FTCD: variants seen among roughly 807,000 people sequenced by gnomAD.
The protein encoded by FTCD is formimidoyltransferase cyclodeaminase.
In FTCD, 76 loss-of-function variants were observed where a neutral mutation model predicts 62.9. The ratio of observed to expected loss-of-function variants is 1.21; its 90% CI spans 1.00 to 1.46. The LOEUF (loss-of-function observed/expected upper bound fraction) is 1.46, where lower values mean the gene tolerates loss of function less well. FTCD is among the 40% of genes most tolerant of loss of function. FTCD has a pLI of 0.00. For synonymous variants in FTCD, 397 were observed against 336.9 expected (o/e 1.18, Z -1.95); for missense variants, 845 against 751.3 (o/e 1.12, Z -1.46).
At chr21:46,141,163 G>A (rs903970616) in intron 10 of FTCD, among the ~76,000 whole-genome samples, 1 of 152,004 alleles carries the variant, frequency 6.6e-6, no homozygotes, top group Non-Finnish European at 1.5e-5. Context: ...TTAGAGACAG[G>A]GTGTCGTTCT....
intron 10 of FTCD, among the ~76,000 whole-genome samples, chr21:46,140,608 A>T (rs1418018450): frequency 1.4e-5 from 1 of 72,444 alleles, no homozygotes; most frequent in Non-Finnish European, 2.8e-5. Context: ...CCAATCCAGC[A>T]CTCCCCCGTC....
At chr21:46,139,392 G>C (rs1361470008) in intron 10 of FTCD, among the ~76,000 whole-genome samples, 1 of 152,174 alleles carries the variant, frequency 6.6e-6, no homozygotes, top group Non-Finnish European at 1.5e-5. Context: ...GCCTTTCCTA[G>C]GTGCTCATGT....
In FTCD at chr21:46,145,501, C is replaced by A. The variant is rs2079119228; in HGVS notation, c.1176G>T (p.Arg392=). 3 of 1,553,254 alleles carry A rather than the reference C, an allele frequency of 1.9e-6. No homozygotes were observed. The highest frequency in any genetic ancestry group is 2.6e-6 in the Non-Finnish European group (3 of 1,148,958). ...RQFQSLDTTM[R]RLIPPFREAS... Reference sequence around the variant, plus strand: ...CCTCGCGGAAGGGCGGGATCAGGCGCCGCATCGTCGTGTCCAGGGACTGGA... The same window carrying A: ...CCTCGCGGAAGGGCGGGATCAGGCGACGCATCGTCGTGTCCAGGGACTGGA... Residue 392 remains arginine, a synonymous_variant, in exon 10 of 14, where the codon CGG becomes CGT. Transcript: ENST00000397746.
rs931012168 is a variant in FTCD at position 46,153,109 on chromosome 21, C to A, written c.239-74G>T. 2.1e-6 allele frequency: 3 copies of A among 1,450,102 alleles called. No individual in the cohort carries two copies. In the Admixed American group the frequency reaches 6.2e-5, roughly 30 times the overall value. 89.8% of individuals were successfully genotyped at this position (1,450,102 alleles called of 1,614,324 possible). On this transcript the variant is annotated intron_variant, in intron 2 of 13. Transcript: ENST00000397746. ...TGGGAGCTCCACGGGGTTCTCGGAC[C>A]CTCTGTCCTCTCCGGCCTGGGCAGC...
At position 46,145,522 on chromosome 21, in the gene FTCD, CT is replaced by C; in HGVS notation, c.1154del (p.Gln385ArgfsTer10). 4 of 1,548,626 alleles carry C rather than the reference CT, an allele frequency of 2.6e-6. No individual in the cohort carries two copies. Among genetic ancestry groups the C allele is most frequent in the Non-Finnish European group, 3.5e-6 (4 of 1,146,318 alleles). On this transcript the variant is annotated frameshift_variant, in exon 10 of 14. Coordinates refer to ENST00000397746, the MANE Select transcript of FTCD (RefSeq NM_206965.2). LOFTEE classifies it high-confidence loss of function. ...GGCGCCGCATCGTCGTGTCCAGGGA[CT>C]GGAATTGGCGCCGCCCGTAGGTCAT... ...GLMTYGRRQF[Q>X]SLDTTMRRLI... is the part of the protein sequence containing the mutation.
In FTCD at chr21:46,140,046, T is replaced by C. The variant is rs577718434; in HGVS notation, c.1261-1123A>G. Among the ~76,000 whole-genome samples the C allele has an allele frequency of 2.0e-5, 3 of 152,374 alleles. 1 individual carries two copies. The highest frequency in any genetic ancestry group is 7.2e-5 in the African/African-American group (3 of 41,574). On this transcript the variant is annotated intron_variant, in intron 10 of 13. Transcript: ENST00000397746. ...TGTTGGTGGTGGGGAAATACAGTTTTCTATTCCATCTGGAAATTACTTATG... is the reference window on the plus strand; with the variant it reads ...TGTTGGTGGTGGGGAAATACAGTTTCCTATTCCATCTGGAAATTACTTATG...
At chr21:46,149,772 C>T (rs979019806) in intron 7 of FTCD, among the ~76,000 whole-genome samples, 69 of 152,330 alleles carry the variant, frequency 4.5e-4, no homozygotes, top group African/African-American at 1.6e-3. Flanking sequence ...AAGGCACACA[C>T]ATCCATGAGC....
At chr21:46,137,163 C>T in intron 13 of FTCD, 76 bp downstream of exon 13, 1 of 1,586,336 alleles carries the variant, frequency 6.3e-7, no homozygotes, top group Admixed American at 1.7e-5. Flanking sequence ...TGCCCACAGC[C>T]AGTCGGCAAT....
rs1032347390 is a variant in FTCD at position 46,138,883 on chromosome 21, T to C, written c.1301A>G (p.Asp434Gly). The change falls in exon 11 of 14, where the codon GAC (aspartate) becomes GGC (glycine). Residue 434 changes from aspartate to glycine, a missense_variant. By Grantham distance (94) the Asp-to-Gly change is moderately conservative. Transcript: ENST00000397746. ...GCGGCCGGCCCTCCAGGCTCACCTG[T>C]CCTTTTCCTCAGGTGTGTTCTTGGG... ...RLPKNTPEEK[D>G]RRTAALQEGL... 6.2e-7 allele frequency: 1 copy of C among 1,611,976 alleles called. No individual in the cohort carries two copies. The highest frequency in any genetic ancestry group is 8.5e-7 in the Non-Finnish European group (1 of 1,178,336).
At chr21:46,137,370 G>A (rs2078894334) in intron 12 of FTCD, 36 bp from the exon 13 acceptor site, 1 of 1,508,224 alleles carries the variant, frequency 6.6e-7, no homozygotes, top group South Asian at 1.1e-5. Context: ...CATGGATCAA[G>A]GCTGAGCAAA....
intron 10 of FTCD, among the ~76,000 whole-genome samples, chr21:46,143,459 A>T (rs577698222): frequency 3.5e-4 from 54 of 152,236 alleles, no homozygotes; most frequent in Non-Finnish European, 6.8e-4. Flanking sequence ...TAAAATATAT[A>T]AAATAACAAG....
At chr21:46,152,551 G>A (rs776451728) in intron 3 of FTCD, 1 of 229,716 alleles carries the variant, frequency 4.4e-6, no homozygotes, top group Non-Finnish European at 8.6e-6. Context: ...GTGCAGCCTA[G>A]GGGTGGGTAT....
intron 12 of FTCD, among the ~76,000 whole-genome samples, chr21:46,138,264 T>C (rs1042434620): frequency 3.9e-5 from 6 of 152,100 alleles, no homozygotes; most frequent in Non-Finnish European, 5.9e-5. Context: ...ACTTATACAG[T>C]GGTCAGGGTG....
intron 2 of FTCD, among the ~76,000 whole-genome samples, 181 bp from the exon 3 acceptor site, chr21:46,153,216 G>T (rs770320181): frequency 6.6e-6 from 1 of 152,194 alleles, no homozygotes; most frequent in Admixed American, 6.5e-5. Flanking sequence ...CCCTGCCCCA[G>T]CGGCAGCACC....
chr21:46,137,533 G>A (rs1454666896), intron 12 of FTCD, among the ~76,000 whole-genome samples, 199 bp from the exon 13 acceptor site: 2 of 152,198 alleles, frequency 1.3e-5, no homozygotes, highest in Non-Finnish European at 2.9e-5. Context: ...TCTTATCCAA[G>A]CAGGGCTCAG....
chr21:46,152,236 T>C (rs962830237), intron 3 of FTCD: 8 of 479,526 alleles, frequency 1.7e-5, no homozygotes, highest in Non-Finnish European at 2.9e-5. Context: ...GGATGGAACA[T>C]GTGGGACATG....
At chr21:46,143,881 C>T (rs1425884070) in intron 10 of FTCD, among the ~76,000 whole-genome samples, 1 of 152,170 alleles carries the variant, frequency 6.6e-6, no homozygotes, top group African/African-American at 2.4e-5. Flanking sequence ...GCAGTTATCC[C>T]GAGGCCTAAT....
At chr21:46,136,322 G>T, downstream of FTCD, 3 of 888,416 alleles carry the variant, frequency 3.4e-6, no homozygotes, top group Non-Finnish European at 5.3e-6. Flanking sequence ...TGGCTGGGCA[G>T]GGAGCTGAGG....
Position 46,138,518 on chromosome 21 carries a change from G to C in FTCD, c.1433C>G (p.Ser478Ter). 6.3e-7 allele frequency: 1 copy of C among 1,585,926 alleles called. No homozygotes were observed. The highest frequency in any genetic ancestry group is 8.5e-7 in the Non-Finnish European group (1 of 1,173,132). The change falls in exon 12 of 14, where the codon TCA becomes TGA. Residue 478 changes from serine to a stop codon, truncating the protein, a stop_gained. Coordinates refer to ENST00000397746, the MANE Select transcript of FTCD (RefSeq NM_206965.2). LOFTEE classifies it high-confidence loss of function. ...CCCGGGCCCCCCTACCTGGAGGTCT[G>C]ACCGGCAGGCCAGGTTCCCACACCG... Reference protein sequence around the residue: ...LARCGNLACRSDLQVAAKALE... With the variant: ...LARCGNLACR
Sources: gnomAD v4.1 joint callset for allele counts (sites outside exome capture counted in the v4.1 genomes callset) on GRCh38, gnomAD v4.1.1 for gene constraint, MANE v1.5 for transcripts, NCBI Gene and HGNC (gene_info 2026-07-23, HGNC 2026-07-21) for gene names.